The following RETSAT variants were observed in gnomAD, a reference collection of about 807,000 sequenced individuals.
RETSAT encodes all-trans-retinol 13,14-reductase.
RETSAT carries 35 observed loss-of-function variants against 61.6 expected under a neutral mutation model. The ratio of observed to expected loss-of-function variants is 0.57; its 90% CI spans 0.43 to 0.75. The LOEUF (loss-of-function observed/expected upper bound fraction) is 0.75, where lower values mean the gene tolerates loss of function less well. Ranked by LOEUF, RETSAT falls within the 30% of genes least tolerant of loss-of-function variation. The pLI is 0.00. For synonymous variants in RETSAT, 277 were observed against 310.4 expected, an observed-to-expected ratio of 0.89 and a Z score of 1.13; for missense variants, 670 against 759.5, an observed-to-expected ratio of 0.88 and a Z score of 1.38.
intron 5 of RETSAT, among the ~76,000 whole-genome samples, chr2:85,349,000 C>T (rs543501171): frequency 6.6e-6 from 1 of 151,870 alleles, no homozygotes; most frequent in African/African-American, 2.4e-5. Context: ...CTGCCCGCCT[C>T]GGCCTCCCAA....
chr2:85,354,361 C>T lies in RETSAT; in HGVS notation c.147G>A (p.Glu49=). ...CTTGTTTGAGAACCTTCTTCCTGGC[C>T]TCCTTGTCAGTTACCAGGGGCGCTG... The part of the protein sequence containing the change: ...RPPAPLVTDK[E]ARKKVLKQAF... The change falls in exon 1 of 11, where the codon GAG becomes GAA. Residue 49 remains glutamate, a synonymous_variant. Coordinates refer to ENST00000295802, the MANE Select transcript of RETSAT (RefSeq NM_017750.4). 6.2e-7 allele frequency: 1 copy of T among 1,614,254 alleles called. No individual in the cohort carries two copies.
At chr2:85,345,470 C>G in intron 6 of RETSAT, 1 of 295,332 alleles carries the variant, frequency 3.4e-6, no homozygotes, top group Non-Finnish European at 6.6e-6. Context: ...CTCTCCAGCT[C>G]CCGCCCCATC....
Position 85,343,790 on chromosome 2 carries a change from A to G in RETSAT, c.1542T>C (p.Ser514=), listed in dbSNP as rs746726247. The change falls in exon 10 of 11, where the codon AGT becomes AGC. Residue 514 remains serine (S), a synonymous_variant. Coordinates refer to ENST00000295802, the MANE Select transcript of RETSAT (RefSeq NM_017750.4). ...LFPQLEGKVE[S]VTAGSPLTNQ... is the part of the protein sequence containing the mutation. Reference sequence around the variant, plus strand: ...TGGTGAGTGGGGATCCTGCAGTCACACTCTCCACCTGAGGGCAGAAAGGGT... The same window carrying G: ...TGGTGAGTGGGGATCCTGCAGTCACGCTCTCCACCTGAGGGCAGAAAGGGT... The G allele has an allele frequency of 5.0e-6, 8 of 1,613,464 alleles. No homozygotes were observed. The highest frequency in any genetic ancestry group is 4.5e-5 in the East Asian group (2 of 44,878).
chr2:85,349,071 A>C, intron 5 of RETSAT, among the ~76,000 whole-genome samples: 1 of 137,876 alleles, frequency 7.3e-6, no homozygotes, highest in South Asian at 2.2e-4. Flanking sequence ...TTTTTTTTTT[A>C]AAGAGACAGG....
rs1442327572 is a variant in RETSAT, at chr2:85,350,178, G to C, written c.661C>G (p.Leu221Val). 2.5e-6 allele frequency: 4 copies of C among 1,613,880 alleles called. No individual in the cohort carries two copies. The highest frequency in any genetic ancestry group is 3.4e-6 in the Non-Finnish European group (4 of 1,180,030). ...GTCAGCAGCCCACACCTGTCGAGGA[G>C]CTGAACCACGGGCAATGGGAGGAAT... ...LKFLPLPVVQ[L>V]LDRCGLLTRF... Residue 221 changes from leucine to valine, a missense_variant, in exon 4 of 11, where the codon CTC (leucine) becomes GTC (valine). Physicochemically the swap from Leu to Val is conservative, Grantham distance 32. Transcript: ENST00000295802.
In RETSAT at chr2:85,348,806, G is replaced by A. The variant is rs571047723; in HGVS notation, c.997+578C>T. 6.6e-3 allele frequency among the ~76,000 whole-genome samples: 980 copies of A among 149,616 alleles called. 6 individuals carry two copies. Among genetic ancestry groups the A allele is most frequent in the Non-Finnish European group, 0.011 (748 of 67,558 alleles). On this transcript the variant is annotated intron_variant, in intron 5 of 10. Transcript: ENST00000295802. Reference sequence around the variant, plus strand: ...CGCTCTGTCGCCCAGGCCGGAGTGCGGTGGCGTGATCTCAGCTCACTGCAA... The same window carrying A: ...CGCTCTGTCGCCCAGGCCGGAGTGCAGTGGCGTGATCTCAGCTCACTGCAA...
At chr2:85,348,991 T>A (rs1683253195) in intron 5 of RETSAT, among the ~76,000 whole-genome samples, 1 of 151,594 alleles carries the variant, frequency 6.6e-6, no homozygotes, top group Non-Finnish European at 1.5e-5. Flanking sequence ...CCTTGTGAGC[T>A]GCCCGCCTCG....
Position 85,342,452 on chromosome 2 carries a change from C to T in RETSAT, c.*790G>A, listed in dbSNP as rs1307473446. 6.5e-6 allele frequency: 1 copy of T among 153,634 alleles called. No homozygotes were observed. Among genetic ancestry groups the T allele is most frequent in the Non-Finnish European group, 1.4e-5 (1 of 69,044 alleles). The allele number at this position is 153,634 out of a possible 1,614,324, so 9.5% of individuals were successfully genotyped here. On this transcript the variant is annotated 3_prime_UTR_variant, in exon 11 of 11. Coordinates refer to ENST00000295802, the MANE Select transcript of RETSAT (RefSeq NM_017750.4). ...TGACTCCTGATGTCACCCTTCCCTG[C>T]ATCACCCTTCCCTGTGTATTTGGTG...
rs760008080 is a variant in RETSAT, at chr2:85,342,018, G to A, written c.*1224C>T. 36 of 486,450 alleles carry A rather than the reference G, an allele frequency of 7.4e-5. No homozygotes were observed. The highest frequency in any genetic ancestry group is 1.2e-4 in the African/African-American group (6 of 51,182). The allele number at this position is 486,450 out of a possible 1,614,324, so 30.1% of individuals were successfully genotyped here. On this transcript the variant is annotated 3_prime_UTR_variant, in exon 11 of 11. Coordinates refer to ENST00000295802, the MANE Select transcript of RETSAT (RefSeq NM_017750.4). ...ATTTTGGTGTTATTCAGTATATAGT[G>A]TTTTACTGAGCTTCTGCAAATGCCA...
Position 85,350,894 on chromosome 2 carries a change from G to A in RETSAT, c.483C>T (p.Pro161=). The A allele has an allele frequency of 6.2e-7, 1 of 1,614,186 alleles. No individual in the cohort carries two copies. Among genetic ancestry groups the A allele is most frequent in the South Asian group, 1.1e-5 (1 of 91,076 alleles). Residue 161 remains proline (P), a synonymous_variant, in exon 3 of 11, where the codon CCC becomes CCT. Coordinates refer to ENST00000295802, the MANE Select transcript of RETSAT (RefSeq NM_017750.4). The stretch of plus-strand genomic sequence containing the variant: ...ACATGGGGTACTCCTTTCGGCCATT[G>A]GGCCCTTCCAGTACCATGATGTCAA... The part of the protein sequence containing the change: ...SPFDIMVLEG[P]NGRKEYPMYS...
intron 6 of RETSAT, among the ~76,000 whole-genome samples, chr2:85,345,320 GC>G: frequency 6.6e-6 from 1 of 152,258 alleles, no homozygotes; most frequent in South Asian, 2.1e-4. Context: ...TTACCCCCCA[GC>G]CCGCTCTGCT....
chr2:85,344,380 A>G, intron 7 of RETSAT, 32 bp from the exon 8 acceptor site: 1 of 1,607,260 alleles, frequency 6.2e-7, no homozygotes, highest in Admixed American at 1.7e-5. Flanking sequence ...TGGGATCTCC[A>G]GGTTTTTGTC....
intron 5 of RETSAT, 49 bp downstream of exon 5, chr2:85,349,335 C>G: frequency 6.3e-7 from 1 of 1,598,564 alleles, no homozygotes; most frequent in Non-Finnish European, 8.6e-7. Flanking sequence ...CAGGTCTCGC[C>G]CACACCAACC....
Position 85,350,023 on chromosome 2 carries a change from C to T in RETSAT, c.799+17G>A, listed in dbSNP as rs756635078. On this transcript the variant is annotated intron_variant, in intron 4 of 10. Coordinates refer to ENST00000295802, the MANE Select transcript of RETSAT (RefSeq NM_017750.4). ...TCCTCCTCCAGAAGCTGCCCAGAGCCCAGGCCCAGTACCCACCGTAAGTGG... is the reference window on the plus strand; with the variant it reads ...TCCTCCTCCAGAAGCTGCCCAGAGCTCAGGCCCAGTACCCACCGTAAGTGG... 1 of 1,611,356 alleles carries T rather than the reference C, an allele frequency of 6.2e-7. No individual in the cohort carries two copies. Among genetic ancestry groups the T allele is most frequent in the Non-Finnish European group, 8.5e-7 (1 of 1,178,738 alleles).
intron 10 of RETSAT, 57 bp downstream of exon 10, chr2:85,343,582 G>A (rs1371447973): frequency 3.2e-5 from 51 of 1,601,438 alleles, no homozygotes; most frequent in African/African-American, 2.1e-4. Flanking sequence ...AACAGAGGAC[G>A]TTGGGCGACA....
chr2:85,344,948 T>C (rs1174751771), intron 6 of RETSAT, among the ~76,000 whole-genome samples: 1 of 150,158 alleles, frequency 6.7e-6, no homozygotes, highest in Non-Finnish European at 1.5e-5. Flanking sequence ...AACCAGACAG[T>C]GAGAGGGGGG....
At chr2:85,345,838 G>A (rs763551187) in intron 6 of RETSAT, 137 bp downstream of exon 6, 11 of 1,035,768 alleles carry the variant, frequency 1.1e-5, no homozygotes, top group South Asian at 2.5e-5. Context: ...TAGAGGTAGC[G>A]TTCTCACCTT....
At chr2:85,344,465 C>T in intron 7 of RETSAT, 117 bp from the exon 8 acceptor site, 1 of 1,528,602 alleles carries the variant, frequency 6.5e-7, no homozygotes, top group South Asian at 1.2e-5. Flanking sequence ...GAGCCACAGC[C>T]TTGGCGTGAC....
chr2:85,344,056 G>A lies in RETSAT; in HGVS notation c.1476C>T (p.Ser492=). 6.2e-7 allele frequency: 1 copy of A among 1,614,106 alleles called. No individual in the cohort carries two copies. The highest frequency in any genetic ancestry group is 8.5e-7 in the Non-Finnish European group (1 of 1,180,020). ...CCACTGACATAGAGGCTTCCACAAA[G>A]GAGTTTTTGAAGGTCTCATAGTCAC... ...RGSDYETFKN[S]FVEASMSVVL... Residue 492 remains serine, a synonymous_variant, in exon 9 of 11, where the codon TCC becomes TCT. Coordinates refer to ENST00000295802, the MANE Select transcript of RETSAT (RefSeq NM_017750.4).
Sources: gnomAD v4.1 joint callset for allele counts (sites outside exome capture counted in the v4.1 genomes callset) on GRCh38, gnomAD v4.1.1 for gene constraint, MANE v1.5 for transcripts, NCBI Gene and HGNC (gene_info 2026-07-23, HGNC 2026-07-21) for gene names.